The following CNTNAP2 variants were observed in gnomAD, a reference collection of about 807,000 sequenced individuals.
CNTNAP2 encodes the protein contactin-associated protein-like 2.
A neutral mutation model predicts 155.2 loss-of-function variants in CNTNAP2; 98 were observed. That is an observed-to-expected ratio of 0.63 (90% CI 0.54 to 0.75). CNTNAP2 has a LOEUF of 0.75. Ranked by LOEUF, CNTNAP2 falls within the 30% of genes least tolerant of loss-of-function variation. The pLI is 0.00. For synonymous variants in CNTNAP2, 651 were observed against 631.2 expected, an observed-to-expected ratio of 1.03 and a Z score of -0.47; for missense variants, 1,727 against 1,688.1, an observed-to-expected ratio of 1.02 and a Z score of -0.40.
At chr7:146,275,915 T>C (rs1202865250) in intron 1 of CNTNAP2, among the ~76,000 whole-genome samples, 2 of 152,174 alleles carry the variant, frequency 1.3e-5, no homozygotes, top group African/African-American at 4.8e-5. Flanking sequence ...CCTGGAGACA[T>C]TTTTGTTTGT....
intron 1 of CNTNAP2, among the ~76,000 whole-genome samples, chr7:146,591,205 T>G (rs1798777455): frequency 6.6e-6 from 1 of 152,232 alleles, no homozygotes; most frequent in East Asian, 1.9e-4. Context: ...TCTATGTTTA[T>G]ACTTGAATTC....
chr7:146,612,055 T>G (rs1372987695), intron 1 of CNTNAP2, among the ~76,000 whole-genome samples: 1 of 152,188 alleles, frequency 6.6e-6, no homozygotes, highest in Non-Finnish European at 1.5e-5. Context: ...TTTTGTTACA[T>G]CAGATTACAG....
intron 10 of CNTNAP2, among the ~76,000 whole-genome samples, chr7:147,455,407 A>G (rs1797903126): frequency 6.6e-6 from 1 of 152,172 alleles, no homozygotes; most frequent in African/African-American, 2.4e-5. Context: ...TGCTCGAGTT[A>G]ACATAGGTAA....
intron 22 of CNTNAP2, among the ~76,000 whole-genome samples, chr7:148,386,557 G>A (rs1799200945): frequency 6.6e-6 from 1 of 152,090 alleles, no homozygotes; most frequent in South Asian, 2.1e-4. Context: ...TAAGGCAGAG[G>A]TTTATTGAAA....
chr7:147,253,100 A>G (rs916626786), intron 8 of CNTNAP2, among the ~76,000 whole-genome samples: 4 of 152,226 alleles, frequency 2.6e-5, no homozygotes, highest in African/African-American at 9.6e-5. Flanking sequence ...AGAGAATAAC[A>G]TGCCTAGTCC....
At chr7:147,386,559 T>C (rs1467897394) in intron 9 of CNTNAP2, among the ~76,000 whole-genome samples, 3 of 152,138 alleles carry the variant, frequency 2.0e-5, no homozygotes, top group African/African-American at 7.2e-5. Context: ...TGCTAAAACA[T>C]AACAAGAGTC....
chr7:147,721,493 C>G (rs1796566066), intron 13 of CNTNAP2, among the ~76,000 whole-genome samples: 2 of 152,000 alleles, frequency 1.3e-5, no homozygotes, highest in African/African-American at 2.4e-5. Flanking sequence ...CTCCCCTTTG[C>G]TCTAGTATCT....
intron 1 of CNTNAP2, among the ~76,000 whole-genome samples, chr7:146,483,348 C>A (rs1459014555): frequency 2.5e-5 from 3 of 117,992 alleles, no homozygotes; most frequent in East Asian, 3.0e-4. Flanking sequence ...TATATTTAAG[C>A]ACAGAGTTGT....
chr7:146,615,285 G>A (rs536494141), intron 1 of CNTNAP2, among the ~76,000 whole-genome samples: 25 of 152,214 alleles, frequency 1.6e-4, no homozygotes, highest in African/African-American at 6.0e-4. Context: ...TTGTTTACAA[G>A]TTACTTGAAA....
intron 3 of CNTNAP2, among the ~76,000 whole-genome samples, chr7:146,849,102 A>T (rs1794821058): frequency 6.6e-6 from 1 of 152,050 alleles, no homozygotes. Context: ...TTTTAAAATA[A>T]AAAAAACTCT....
chr7:146,767,282 G>T (rs1009135601), intron 1 of CNTNAP2, among the ~76,000 whole-genome samples: 5 of 152,032 alleles, frequency 3.3e-5, no homozygotes, highest in East Asian at 1.9e-4. Context: ...AATAATAAAA[G>T]ATCTCTAATA....
chr7:146,302,077 A>G (rs1370297397), intron 1 of CNTNAP2, among the ~76,000 whole-genome samples: 1 of 152,196 alleles, frequency 6.6e-6, no homozygotes, highest in African/African-American at 2.4e-5. Flanking sequence ...CAGTGGTTGT[A>G]GTGGATAATT....
At chr7:147,672,190 G>T (rs1795798417) in intron 13 of CNTNAP2, 2 of 152,256 alleles carry the variant, frequency 1.3e-5, no homozygotes, top group East Asian at 3.9e-4. Context: ...TTGTACTTTA[G>T]GGAGGTATAG....
intron 10 of CNTNAP2, among the ~76,000 whole-genome samples, chr7:147,454,880 CCA>C: frequency 6.6e-6 from 1 of 152,204 alleles, no homozygotes; most frequent in South Asian, 2.1e-4. Context: ...ACTAGGTCTG[CCA>C]GTGCTCATTG....
intron 7 of CNTNAP2, among the ~76,000 whole-genome samples, chr7:147,131,952 C>T (rs1801383018): frequency 6.6e-6 from 1 of 152,044 alleles, no homozygotes; most frequent in African/African-American, 2.4e-5. Flanking sequence ...CACATACACA[C>T]TTTACAACTC....
rs558157015 is a variant in CNTNAP2 at position 146,345,487 on chromosome 7, G to C, written c.97+228514G>C. Among the ~76,000 whole-genome samples the C allele has an allele frequency of 3.3e-5, 5 of 152,234 alleles. No homozygotes were observed. The South Asian group carries it at 1.0e-3, about 32-fold the overall frequency. ...CTCAGCAAAGGCCAAGGCAGATAGA[G>C]CTTTTCCACTATCTTTATAGCACAA... On this transcript the variant is annotated intron_variant, in intron 1 of 23. Transcript: ENST00000361727.
At chr7:146,737,382 T>C (rs539090409) in intron 1 of CNTNAP2, among the ~76,000 whole-genome samples, 26 of 152,234 alleles carry the variant, frequency 1.7e-4, no homozygotes, top group Admixed American at 1.4e-3. Context: ...TTATAACTTC[T>C]GTTAACTGAA....
intron 9 of CNTNAP2, among the ~76,000 whole-genome samples, chr7:147,370,498 T>G (rs1273315301): frequency 6.6e-6 from 1 of 152,186 alleles, no homozygotes; most frequent in Non-Finnish European, 1.5e-5. Context: ...GTTAAATTGT[T>G]GTAACTTGAA....
intron 13 of CNTNAP2, among the ~76,000 whole-genome samples, chr7:147,708,062 G>A (rs948880390): frequency 6.6e-6 from 1 of 152,182 alleles, no homozygotes; most frequent in African/African-American, 2.4e-5. Flanking sequence ...AGTTGTGGTA[G>A]ACAGGGGTGG....
Sources: gnomAD v4.1 joint callset for allele counts (sites outside exome capture counted in the v4.1 genomes callset) on GRCh38, gnomAD v4.1.1 for gene constraint, MANE v1.5 for transcripts, NCBI Gene and HGNC (gene_info 2026-07-23, HGNC 2026-07-21) for gene names.